Variants in SKAP2 observed in about 807,000 individuals in gnomAD.
The protein encoded by SKAP2 is src kinase associated phosphoprotein 2, also known as src kinase-associated phosphoprotein 2.
SKAP2 carries 28 observed loss-of-function variants against 54.9 expected under a neutral mutation model. The observed-to-expected ratio is 0.51, with a 90% CI of 0.38 to 0.70. The LOEUF (loss-of-function observed/expected upper bound fraction) is 0.70. Among genes scored for constraint, SKAP2 ranks in the 30% least tolerant of loss-of-function variants. The pLI, the probability that SKAP2 is intolerant of heterozygous loss-of-function variation, is 0.00. For missense variants in SKAP2, 356 were observed against 424.1 expected (o/e 0.84, Z 1.41); for synonymous variants, 137 against 134.3 (o/e 1.02, Z -0.14).
the SKAP2 span, among the ~76,000 whole-genome samples, chr7:26,655,484 C>T: frequency 6.6e-6 from 1 of 152,134 alleles, no homozygotes; most frequent in Non-Finnish European, 1.5e-5. Flanking sequence ...AAATAAATTT[C>T]CCTCTTGGCA....
rs922583966 is a variant in SKAP2 at position 26,668,667 on chromosome 7, T to TG, written c.*998_*999insC. The stretch of plus-strand genomic sequence containing the variant: ...TGAGAATACACTGAGATTCTGTTTT[T>TG]TTTTTTTTTTTTTTCTGAGATGGAG... On this transcript the variant is annotated 3_prime_UTR_variant, in exon 13 of 13. Transcript: ENST00000345317. The TG allele has an allele frequency of 4.0e-5, 6 of 150,280 alleles. No homozygotes were observed. Among genetic ancestry groups the TG allele is most frequent in the South Asian group, 2.1e-4 (1 of 4,676 alleles). The allele number at this position is 150,280 out of a possible 1,614,324, so 9.3% of individuals were successfully genotyped here.
Position 26,678,062 on chromosome 7 carries a change from A to G in SKAP2, c.987+6674T>C, listed in dbSNP as rs116258929. 5.6e-3 allele frequency among the ~76,000 whole-genome samples: 857 copies of G among 152,344 alleles called. 6 individuals carry two copies. The highest frequency in any genetic ancestry group is 0.02 in the African/African-American group (818 of 41,584). On this transcript the variant is annotated intron_variant, in intron 11 of 12. Transcript: ENST00000345317. ...TATTGATACCTGGAGAAGGCACTTAATAGCTGCGTATCCTCAGATAATTTC... is the reference window on the plus strand; with the variant it reads ...TATTGATACCTGGAGAAGGCACTTAGTAGCTGCGTATCCTCAGATAATTTC...
At chr7:26,785,160 G>T (rs1410023538) in intron 4 of SKAP2, among the ~76,000 whole-genome samples, 1 of 151,914 alleles carries the variant, frequency 6.6e-6, no homozygotes, top group Non-Finnish European at 1.5e-5. Flanking sequence ...AAAAGATCAT[G>T]CCTTTAGGAT....
intron 4 of SKAP2, among the ~76,000 whole-genome samples, chr7:26,800,086 T>C (rs1783881111): frequency 6.6e-6 from 1 of 152,144 alleles, no homozygotes; most frequent in East Asian, 1.9e-4. Flanking sequence ...ATTGCGCCAC[T>C]GCACTCCAGC....
downstream of SKAP2, among the ~76,000 whole-genome samples, chr7:26,662,977 G>A (rs74816652): frequency 3.3e-5 from 5 of 152,106 alleles, no homozygotes; most frequent in East Asian, 3.9e-4. Flanking sequence ...GAGACTCTAC[G>A]GACCACAAGC....
intron 4 of SKAP2, among the ~76,000 whole-genome samples, chr7:26,741,992 T>G (rs1782465392): frequency 6.6e-6 from 1 of 152,168 alleles, no homozygotes; most frequent in Non-Finnish European, 1.5e-5. Context: ...GAGCCCTGAT[T>G]TTGAAATGTA....
intron 4 of SKAP2, among the ~76,000 whole-genome samples, chr7:26,819,074 A>G (rs1191345028): frequency 6.6e-6 from 1 of 152,202 alleles, no homozygotes; most frequent in Non-Finnish European, 1.5e-5. Flanking sequence ...ATTACTGGGT[A>G]TATACCCAAA....
intron 4 of SKAP2, among the ~76,000 whole-genome samples, chr7:26,828,747 C>T (rs1161000183): frequency 1.3e-5 from 2 of 150,416 alleles, no homozygotes; most frequent in Admixed American, 6.6e-5. Context: ...CAAGTGATGG[C>T]CGGGAGCGGT....
At chr7:26,663,760 G>A (rs1216249804), downstream of SKAP2, among the ~76,000 whole-genome samples, 1 of 152,138 alleles carries the variant, frequency 6.6e-6, no homozygotes, top group Admixed American at 6.6e-5. Flanking sequence ...CATTGGAGGA[G>A]GTGGGAAGGA....
chr7:26,721,637 G>T (rs1787580337), intron 9 of SKAP2, among the ~76,000 whole-genome samples: 1 of 152,160 alleles, frequency 6.6e-6, no homozygotes, highest in South Asian at 2.1e-4. Context: ...CCACTTGCCA[G>T]AAGACATTTC....
intron 4 of SKAP2, among the ~76,000 whole-genome samples, chr7:26,834,793 T>C (rs1784671931): frequency 6.6e-6 from 1 of 152,168 alleles, no homozygotes; most frequent in Non-Finnish European, 1.5e-5. Flanking sequence ...CCATTCCTTC[T>C]GAAACTATTC....
intron 9 of SKAP2, among the ~76,000 whole-genome samples, chr7:26,713,247 CT>C (rs1355459755): frequency 6.6e-6 from 1 of 152,212 alleles, no homozygotes; most frequent in African/African-American, 2.4e-5. Flanking sequence ...GTCATCTCTT[CT>C]TTAACCATAG....
chr7:26,796,251 C>G (rs1278811908), intron 4 of SKAP2, among the ~76,000 whole-genome samples: 2 of 152,158 alleles, frequency 1.3e-5, no homozygotes, highest in African/African-American at 2.4e-5. Context: ...TATATCCTGT[C>G]CTTTGGTAAT....
intron 9 of SKAP2, among the ~76,000 whole-genome samples, chr7:26,697,051 G>C (rs1786909274): frequency 6.6e-6 from 1 of 152,108 alleles, no homozygotes; most frequent in Non-Finnish European, 1.5e-5. Flanking sequence ...TCATTTGATA[G>C]AGTCAGGAAA....
At chr7:26,674,220 G>A (rs976427204) in intron 11 of SKAP2, among the ~76,000 whole-genome samples, 12 of 152,100 alleles carry the variant, frequency 7.9e-5, no homozygotes, top group African/African-American at 2.9e-4. Context: ...AGCCTTTTGT[G>A]AAAATGAAAG....
intron 9 of SKAP2, among the ~76,000 whole-genome samples, chr7:26,709,285 A>C (rs762343529): frequency 2.0e-4 from 31 of 152,154 alleles, no homozygotes; most frequent in Non-Finnish European, 4.1e-4. Context: ...TATATGAGAG[A>C]GTGTAATAGG....
At chr7:26,659,920 C>T in the SKAP2 span, among the ~76,000 whole-genome samples, 3 of 152,034 alleles carry the variant, frequency 2.0e-5, no homozygotes, top group Admixed American at 6.6e-5. Context: ...AAATGGTAAT[C>T]TGTTTTTGAC....
intron 4 of SKAP2, among the ~76,000 whole-genome samples, chr7:26,752,086 G>T (rs1782698297): frequency 1.3e-5 from 2 of 152,088 alleles, no homozygotes; most frequent in South Asian, 4.2e-4. Context: ...GGCAAAATTA[G>T]AAGTCAGGGT....
intron 4 of SKAP2, among the ~76,000 whole-genome samples, chr7:26,787,888 C>T (rs528666580): frequency 2.6e-5 from 4 of 152,290 alleles, no homozygotes; most frequent in African/African-American, 9.6e-5. Context: ...CCGAGTCTCG[C>T]TCTGTCGCCC....
Sources: gnomAD v4.1 joint callset for allele counts (sites outside exome capture counted in the v4.1 genomes callset) on GRCh38, gnomAD v4.1.1 for gene constraint, MANE v1.5 for transcripts, NCBI Gene and HGNC (gene_info 2026-07-23, HGNC 2026-07-21) for gene names.